NGRN: variants seen among roughly 807,000 people sequenced by gnomAD.
The protein encoded by NGRN is neugrin.
In NGRN, 12 loss-of-function variants were observed where a neutral mutation model predicts 13.1. That is an observed-to-expected ratio of 0.92 (90% CI 0.59 to 1.49). NGRN has a LOEUF of 1.49. NGRN is among the 40% of genes most tolerant of loss of function. NGRN has a pLI of 0.00. For synonymous variants in NGRN, 149 were observed against 145.8 expected (o/e 1.02, Z -0.16); for missense variants, 397 against 357.0 (o/e 1.11, Z -0.90).
Position 90,272,002 on chromosome 15 carries a change from C to G in NGRN, c.*214C>G. On this transcript the variant is annotated 3_prime_UTR_variant, in exon 3 of 3. Transcript: ENST00000379095. ...CCTCTGTAGACCTTCAGTACTCACTCTTCTTGCTTAGGCTCTCTGTGTGTT... is the reference window on the plus strand; with the variant it reads ...CCTCTGTAGACCTTCAGTACTCACTGTTCTTGCTTAGGCTCTCTGTGTGTT... 1 of 583,372 alleles carries G rather than the reference C, an allele frequency of 1.7e-6. No homozygotes were observed. The highest frequency in any genetic ancestry group is 3.1e-5 in the Admixed American group (1 of 32,650). 36.1% of individuals were successfully genotyped at this position (583,372 alleles called of 1,614,324 possible). A position where few individuals can be genotyped will look rare whatever the true frequency, so the allele number is the denominator to read the frequency against.
Position 90,271,599 on chromosome 15 carries a change from TC to T in NGRN, c.688del (p.His230IlefsTer32). 2 of 1,614,066 alleles carry T rather than the reference TC, an allele frequency of 1.2e-6. No individual in the cohort carries two copies. Among genetic ancestry groups the T allele is most frequent in the African/African-American group, 2.7e-5 (2 of 75,028 alleles). ...SFVPVAAPLG[H>X]PRELQKYSSD... Reference sequence around the variant, plus strand: ...TTGTGCCTGTTGCTGCACCCCTAGGTCATCCAAGAGAGCTGCAGAAGTACTC... The same window carrying T: ...TTGTGCCTGTTGCTGCACCCCTAGGTATCCAAGAGAGCTGCAGAAGTACTC... On this transcript the variant is annotated frameshift_variant, in exon 3 of 3. Coordinates refer to ENST00000379095, the MANE Select transcript of NGRN (RefSeq NM_001033088.3). LOFTEE classifies it low-confidence loss of function (END_TRUNC).
chr15:90,269,105 C>G (rs540436699), intron 2 of NGRN, among the ~76,000 whole-genome samples: 2 of 138,872 alleles, frequency 1.4e-5, no homozygotes, highest in Non-Finnish European at 3.0e-5. Flanking sequence ...AAGTGATTGT[C>G]GTGCCTCAGC....
Position 90,266,316 on chromosome 15 carries a change from C to G in NGRN, c.193C>G (p.Arg65Gly). The G allele has an allele frequency of 3.1e-6, 5 of 1,613,852 alleles. No individual in the cohort carries two copies. The highest frequency in any genetic ancestry group is 4.2e-6 in the Non-Finnish European group (5 of 1,179,918). Residue 65 changes from arginine to glycine, a missense_variant, in exon 2 of 3, where the codon CGA becomes GGA. Transcript: ENST00000379095. ...STLKRQKQAI[R>G]FQKIRRQMEA... ...CCTGAAACGACAGAAACAAGCAATC[C>G]GATTCCAGAAAATTCGGAGGCAAAT... is the stretch of plus-strand genomic sequence containing the variant.
chr15:90,271,048 G>A (rs759115319), intron 2 of NGRN, 140 bp from the exon 3 acceptor site: 34 of 964,016 alleles, frequency 3.5e-5, no homozygotes, highest in African/African-American at 4.9e-5. Context: ...CGCCTATCTC[G>A]GCCTCTCAGA....
intron 2 of NGRN, among the ~76,000 whole-genome samples, chr15:90,267,353 C>T (rs1963441977): frequency 6.6e-6 from 1 of 152,078 alleles, no homozygotes; most frequent in African/African-American, 2.4e-5. Context: ...AATAGTTTTT[C>T]TCTACCAAAA....
At chr15:90,265,952 G>A (rs1039704290) in intron 1 of NGRN, 76 bp downstream of exon 1, 270 of 1,429,642 alleles carry the variant, frequency 1.9e-4, no homozygotes, top group Non-Finnish European at 1.1e-4. Flanking sequence ...CCCCCTTGGC[G>A]CCGGGTGTCC....
Position 90,268,992 on chromosome 15 carries a change from CT to C in NGRN, c.276-2174del, listed in dbSNP as rs71461858. Among the ~76,000 whole-genome samples the C allele has an allele frequency of 9.0e-3, 413 of 45,684 alleles. 1 individual carries two copies. Among genetic ancestry groups the C allele is most frequent in the African/African-American group, 0.03 (347 of 11,678 alleles). The allele number at this position is 45,684 out of a possible 152,430, so 30.0% of individuals were successfully genotyped here. Reference sequence around the variant, plus strand: ...ATTTATTGATTGACACTGATTCTCTCTTTTTTTTTTTTTTTTTTTTTTGAGA... The same window carrying C: ...ATTTATTGATTGACACTGATTCTCTCTTTTTTTTTTTTTTTTTTTTTGAGA... On this transcript the variant is annotated intron_variant, in intron 2 of 2. Coordinates refer to ENST00000379095, the MANE Select transcript of NGRN (RefSeq NM_001033088.3).
At chr15:90,267,231 A>T (rs1333220852) in intron 2 of NGRN, among the ~76,000 whole-genome samples, 1 of 151,870 alleles carries the variant, frequency 6.6e-6, no homozygotes, top group African/African-American at 2.4e-5. Context: ...TAGCCTCATC[A>T]TGTTGCCCAT....
In NGRN at chr15:90,266,378, G is replaced by A. The variant is rs746524898; in HGVS notation, c.255G>A (p.Trp85Ter). 6 of 1,613,480 alleles carry A rather than the reference G, an allele frequency of 3.7e-6. No homozygotes were observed. The highest frequency in any genetic ancestry group is 5.1e-6 in the Non-Finnish European group (6 of 1,179,804). ...APGAPPRTLT[W>*]EAMEQIRYLH... Reference sequence around the variant, plus strand: ...GTGCCCCGCCCAGGACCCTGACGTGGGAAGCCATGGAGCAGATACGGTGAG... The same window carrying A: ...GTGCCCCGCCCAGGACCCTGACGTGAGAAGCCATGGAGCAGATACGGTGAG... Residue 85 changes from tryptophan to a stop codon, truncating the protein, a stop_gained, in exon 2 of 3, where the codon TGG (tryptophan) becomes TGA (stop). Coordinates refer to ENST00000379095, the MANE Select transcript of NGRN (RefSeq NM_001033088.3). LOFTEE classifies it low-confidence loss of function (END_TRUNC).
chr15:90,269,554 A>G (rs879776993), intron 2 of NGRN, among the ~76,000 whole-genome samples: 12 of 151,398 alleles, frequency 7.9e-5, no homozygotes, highest in Non-Finnish European at 1.8e-4. Context: ...AAATATTGTT[A>G]TTTCATAGAG....
rs1049350734 is a variant in NGRN at position 90,271,872 on chromosome 15, A to T, written c.*84A>T. The stretch of plus-strand genomic sequence containing the variant: ...TATGGAACAGCCTGGATTTCTGCAT[A>T]TGGATAAGCCACCTTGGAATAGGAA... On this transcript the variant is annotated 3_prime_UTR_variant, in exon 3 of 3. Transcript: ENST00000379095. 4 of 1,536,720 alleles carry T rather than the reference A, an allele frequency of 2.6e-6. No individual in the cohort carries two copies. The African/African-American group carries it at 4.1e-5, about 16-fold the overall frequency.
chr15:90,268,798 A>G (rs140924039), intron 2 of NGRN, among the ~76,000 whole-genome samples: 87 of 150,846 alleles, frequency 5.8e-4, no homozygotes, highest in Non-Finnish European at 1.0e-3. Context: ...TAAAATATAT[A>G]TATATATTTT....
At chr15:90,268,942 T>C (rs1162066866) in intron 2 of NGRN, among the ~76,000 whole-genome samples, 50 of 5,270 alleles carry the variant, frequency 9.5e-3, no homozygotes, top group Non-Finnish European at 0.013. Context: ...AACTGCTTTC[T>C]CCCACCCCCC....
intron 2 of NGRN, among the ~76,000 whole-genome samples, chr15:90,268,209 G>T (rs986618067): frequency 6.6e-6 from 1 of 151,498 alleles, no homozygotes; most frequent in Admixed American, 6.6e-5. Flanking sequence ...CACCATGTTG[G>T]CCAGGCTGGT....
In NGRN at chr15:90,271,915, C is replaced by T; in HGVS notation, c.*127C>T. The T allele has an allele frequency of 7.5e-7, 1 of 1,333,268 alleles. No individual in the cohort carries two copies. The allele number at this position is 1,333,268 out of a possible 1,614,324, so 82.6% of individuals were successfully genotyped here. A position where few individuals can be genotyped will look rare whatever the true frequency, so the allele number is the denominator to read the frequency against. ...AATAGGAAGAGGTGTTGAGCCTGGACTGTGGGAGGAAAGAGCTGCGTGGAT... is the reference window on the plus strand; with the variant it reads ...AATAGGAAGAGGTGTTGAGCCTGGATTGTGGGAGGAAAGAGCTGCGTGGAT... On this transcript the variant is annotated 3_prime_UTR_variant, in exon 3 of 3. Transcript: ENST00000379095.
At position 90,266,333 on chromosome 15, in the gene NGRN, G is replaced by A. The variant is rs1235654014; in HGVS notation, c.210G>A (p.Arg70=). Residue 70 remains arginine (R), a synonymous_variant, in exon 2 of 3, where the codon CGG becomes CGA. Transcript: ENST00000379095. ...QKQAIRFQKI[R]RQMEAPGAPP... ...AAGCAATCCGATTCCAGAAAATTCG[G>A]AGGCAAATGGAGGCGCCTGGTGCCC... 6.2e-7 allele frequency: 1 copy of A among 1,613,948 alleles called. No individual in the cohort carries two copies. The highest frequency in any genetic ancestry group is 1.3e-5 in the African/African-American group (1 of 75,028).
intron 1 of NGRN, 144 bp downstream of exon 1, chr15:90,266,020 T>C: frequency 7.2e-7 from 1 of 1,397,336 alleles, no homozygotes; most frequent in Non-Finnish European, 9.2e-7. Flanking sequence ...GGGCGCAGCG[T>C]CAGGTGTTCA....
chr15:90,266,129 C>T, intron 1 of NGRN, 159 bp from the exon 2 acceptor site: 2 of 1,449,340 alleles, frequency 1.4e-6, no homozygotes, highest in Non-Finnish European at 1.8e-6. Context: ...TAGGTGTTAG[C>T]TTTCTGGGTG....
In NGRN at chr15:90,265,725, C is replaced by G. The variant is rs1248789748; in HGVS notation, c.13C>G (p.Leu5Val). ...GGTTTGCGTCGACATGGCGGTTACC[C>G]TGAGTCTCTTGCTGGGCGGGCGCGT... MAVT[L>V]SLLLGGRVCA... Residue 5 changes from leucine to valine, a missense_variant, in exon 1 of 3, where the codon CTG (leucine) becomes GTG (valine). Coordinates refer to ENST00000379095, the MANE Select transcript of NGRN (RefSeq NM_001033088.3). 1.2e-6 allele frequency: 2 copies of G among 1,613,398 alleles called. No homozygotes were observed. The highest frequency in any genetic ancestry group is 3.5e-4 in the Middle Eastern group (2 of 5,732).
Sources: gnomAD v4.1 joint callset for allele counts (sites outside exome capture counted in the v4.1 genomes callset) on GRCh38, gnomAD v4.1.1 for gene constraint, MANE v1.5 for transcripts, NCBI Gene and HGNC (gene_info 2026-07-23, HGNC 2026-07-21) for gene names.